The following CNST variants were observed in gnomAD, a reference collection of about 807,000 sequenced individuals.
CNST encodes consortin, connexin sorting protein.
Under a neutral mutation model 72.4 loss-of-function variants are expected in CNST, and 39 were observed. The observed-to-expected ratio is 0.54, with a 90% confidence interval of 0.42 to 0.70. The LOEUF is 0.70. CNST is among the 30% of genes least tolerant of loss of function. CNST has a pLI of 0.00. For synonymous variants in CNST, 332 were observed against 320.1 expected (o/e 1.04, Z -0.40); for missense variants, 871 against 868.5 (o/e 1.00, Z -0.04).
At position 246,647,641 on chromosome 1, in the gene CNST, A is replaced by G; in HGVS notation, c.1440A>G (p.Glu480=). Residue 480 remains glutamate (E), a synonymous_variant, in exon 9 of 11, where the codon GAA becomes GAG. Coordinates refer to ENST00000366513, the MANE Select transcript of CNST (RefSeq NM_152609.3). ...ALPTDQLENN[E]LNELQQPDLT... The stretch of plus-strand genomic sequence containing the variant: ...CCACAGACCAACTTGAGAACAATGA[A>G]TTAAATGAGCTGCAGCAGCCTGATC... 1 of 1,614,186 alleles carries G rather than the reference A, an allele frequency of 6.2e-7. No homozygotes were observed. Among genetic ancestry groups the G allele is most frequent in the Non-Finnish European group, 8.5e-7 (1 of 1,180,026 alleles).
rs555991803 is a variant in CNST, at chr1:246,604,647, A to AAT, written c.379+12718_379+12719dup. On this transcript the variant is annotated intron_variant, in intron 2 of 10. Transcript: ENST00000366513. ...AAATATATATATTTTCAGGAGACGGAATATATATATATAATACTTATATTT... is the reference window on the plus strand; with the variant it reads ...AAATATATATATTTTCAGGAGACGGAATATATATATATATAATACTTATATTT... Among the ~76,000 whole-genome samples, 487 of 150,852 alleles carry AAT rather than the reference A, an allele frequency of 3.2e-3. 1 individual carries two copies. The highest frequency in any genetic ancestry group is 5.0e-3 in the Non-Finnish European group (341 of 67,792).
intron 2 of CNST, chr1:246,606,529 T>C (rs1008692443): frequency 6.6e-6 from 1 of 152,194 alleles, no homozygotes; most frequent in African/African-American, 2.4e-5. Context: ...GTGCGTTTGG[T>C]TTTGTTGTCA....
chr1:246,653,928 G>C (rs1393331590), intron 9 of CNST, among the ~76,000 whole-genome samples: 2 of 152,166 alleles, frequency 1.3e-5, no homozygotes, highest in African/African-American at 4.8e-5. Flanking sequence ...TAGGTGTAGA[G>C]TGATAGGAAG....
intron 2 of CNST, among the ~76,000 whole-genome samples, chr1:246,600,985 A>G (rs1662250229): frequency 6.6e-6 from 1 of 152,186 alleles, no homozygotes; most frequent in Non-Finnish European, 1.5e-5. Flanking sequence ...TGTGTTTTCT[A>G]TGCATCAGAG....
At chr1:246,653,565 T>G (rs763271109) in intron 9 of CNST, among the ~76,000 whole-genome samples, 20 of 152,228 alleles carry the variant, frequency 1.3e-4, no homozygotes, top group Non-Finnish European at 1.5e-5. Flanking sequence ...CCAGAATTTA[T>G]GTAGATATCT....
chr1:246,600,015 G>A (rs2103037102), intron 2 of CNST, among the ~76,000 whole-genome samples: 1 of 152,302 alleles, frequency 6.6e-6, no homozygotes, highest in East Asian at 1.9e-4. Context: ...GAGGTAACCT[G>A]TCCTGGAGAG....
In CNST at chr1:246,585,780, G is replaced by C. The variant is rs551811219; in HGVS notation, c.-51-5732G>C. Reference sequence around the variant, plus strand: ...TATACCTACAGTGGGTATACTCAACGATCAGTTTCTTTGCCTACGCTGGGC... The same window carrying C: ...TATACCTACAGTGGGTATACTCAACCATCAGTTTCTTTGCCTACGCTGGGC... On this transcript the variant is annotated intron_variant, in intron 1 of 10. Transcript: ENST00000366513. Among the ~76,000 whole-genome samples the C allele has an allele frequency of 4.1e-5, 6 of 148,142 alleles. No individual in the cohort carries two copies. The East Asian group carries it at 1.2e-3, about 30-fold the overall frequency.
At chr1:246,583,220 C>A (rs1204501924) in intron 1 of CNST, among the ~76,000 whole-genome samples, 1 of 152,208 alleles carries the variant, frequency 6.6e-6, no homozygotes, top group Non-Finnish European at 1.5e-5. Context: ...TGTTTACTTT[C>A]TCTGTGTCTA....
intron 9 of CNST, among the ~76,000 whole-genome samples, chr1:246,652,759 C>T (rs942257422): frequency 2.0e-5 from 3 of 151,468 alleles, no homozygotes; most frequent in Non-Finnish European, 4.4e-5. Context: ...AATCCCAGCA[C>T]TTTGGGAGGC....
chr1:246,630,581 G>C (rs990626927), intron 3 of CNST, among the ~76,000 whole-genome samples: 1 of 152,178 alleles, frequency 6.6e-6, no homozygotes, highest in African/African-American at 2.4e-5. Context: ...TCCCCTGAGG[G>C]ATTTGGGAAA....
At chr1:246,654,419 A>C (rs1666658294) in intron 9 of CNST, among the ~76,000 whole-genome samples, 1 of 152,170 alleles carries the variant, frequency 6.6e-6, no homozygotes, top group African/African-American at 2.4e-5. Flanking sequence ...GTGCTAGCTG[A>C]TGCTATGATT....
chr1:246,641,794 A>T (rs760980114), intron 7 of CNST, 24 bp downstream of exon 7: 1 of 1,316,052 alleles, frequency 7.6e-7, no homozygotes, highest in South Asian at 1.2e-5. Context: ...TCTTTTGAAT[A>T]TATTTCTAGG....
At position 246,649,156 on chromosome 1, in the gene CNST, G is replaced by GT. The variant is rs767552283; in HGVS notation, c.1836+1123dup. 9.3e-3 allele frequency among the ~76,000 whole-genome samples: 684 copies of GT among 73,730 alleles called. 10 individuals are homozygous for GT. The highest frequency in any genetic ancestry group is 0.013 in the Non-Finnish European group (472 of 36,576). The allele number at this position is 73,730 out of a possible 152,430, so 48.4% of individuals were successfully genotyped here. ...TGCAGTTAATTCTCTACAGACTGTT[G>GT]TTTTGTTTTTTTTTTTTTTTCGTAG... On this transcript the variant is annotated intron_variant, in intron 9 of 10. Transcript: ENST00000366513.
At position 246,666,099 on chromosome 1, in the gene CNST, C is replaced by CT; in HGVS notation, c.*195dup. The CT allele has an allele frequency of 3.5e-6, 2 of 568,710 alleles. No homozygotes were observed. Among genetic ancestry groups the CT allele is most frequent in the Non-Finnish European group, 6.3e-6 (2 of 318,954 alleles). 35.2% of individuals were successfully genotyped at this position (568,710 alleles called of 1,614,324 possible). A position where few individuals can be genotyped will look rare whatever the true frequency, so the allele number is the denominator to read the frequency against. The stretch of plus-strand genomic sequence containing the variant: ...TCCACACAGTGAGGCAAATATCAAT[C>CT]TAAGCATTGTGGATGGAAGGAATGG... On this transcript the variant is annotated 3_prime_UTR_variant, in exon 11 of 11. Coordinates refer to ENST00000366513, the MANE Select transcript of CNST (RefSeq NM_152609.3).
chr1:246,567,851 CT>C (rs965061843), intron 1 of CNST, among the ~76,000 whole-genome samples: 5 of 152,148 alleles, frequency 3.3e-5, no homozygotes, highest in African/African-American at 1.2e-4. Flanking sequence ...CTGCCTCCCC[CT>C]CTCCCCTTAA....
intron 2 of CNST, among the ~76,000 whole-genome samples, chr1:246,593,558 G>T (rs1383115046): frequency 1.3e-5 from 2 of 152,142 alleles, no homozygotes; most frequent in East Asian, 3.9e-4. Flanking sequence ...TGGCCAGGCT[G>T]GTCTCAAACT....
intron 1 of CNST, among the ~76,000 whole-genome samples, chr1:246,579,526 T>C (rs750915596): frequency 3.3e-5 from 5 of 152,196 alleles, no homozygotes; most frequent in Non-Finnish European, 5.9e-5. Context: ...CCCAACACTT[T>C]GGGAGGCCAA....
chr1:246,639,180 C>T lies in CNST; in HGVS notation c.819-2569C>T, dbSNP rs554838600. ...GGTTAGAACATGTAGTGCAACTCCA[C>T]GCCGTTCGTCGGGATAGAGAGAAAG... On this transcript the variant is annotated intron_variant, in intron 6 of 10. Transcript: ENST00000366513. Among the ~76,000 whole-genome samples the T allele has an allele frequency of 1.6e-4, 24 of 152,000 alleles. No individual in the cohort carries two copies. The South Asian group carries it at 2.9e-3, about 19-fold the overall frequency.
chr1:246,607,018 A>G (rs1201769301), intron 2 of CNST: 1 of 151,966 alleles, frequency 6.6e-6, no homozygotes, highest in Non-Finnish European at 1.5e-5. Flanking sequence ...ACAAGACACA[A>G]TTGAGGTAGC....
Sources: allele counts gnomAD v4.1 joint callset (sites outside exome capture counted in the v4.1 genomes callset), GRCh38; gene constraint gnomAD v4.1.1; transcripts MANE v1.5; gene names NCBI Gene and HGNC (gene_info 2026-07-23, HGNC 2026-07-21).